The following BCAS1 variants were observed in gnomAD, a reference collection of about 807,000 sequenced individuals.
BCAS1 encodes the protein brain enriched myelin associated protein 1.
Under a neutral mutation model 65.4 loss-of-function variants are expected in BCAS1, and 46 were observed. The ratio of observed to expected loss-of-function variants is 0.70; its 90% CI spans 0.55 to 0.90. The LOEUF (loss-of-function observed/expected upper bound fraction) is 0.90, where lower values mean the gene tolerates loss of function less well. Ranked by LOEUF, BCAS1 falls within the 40% of genes least tolerant of loss-of-function variation. The pLI is 0.00. For synonymous variants in BCAS1, 298 were observed against 293.5 expected (o/e 1.02, Z -0.16); for missense variants, 793 against 771.2 (o/e 1.03, Z -0.33).
At chr20:54,004,008 G>A (rs955251183) in intron 4 of BCAS1, among the ~76,000 whole-genome samples, 34 of 152,304 alleles carry the variant, frequency 2.2e-4, no homozygotes, top group African/African-American at 7.0e-4. Context: ...TTTATTTTAG[G>A]TGGTATGTCC....
chr20:54,004,611 G>T (rs2091140636), intron 4 of BCAS1, among the ~76,000 whole-genome samples: 1 of 152,186 alleles, frequency 6.6e-6, no homozygotes, highest in African/African-American at 2.4e-5. Context: ...GTAAGGTGTT[G>T]CCCAGGAGCA....
chr20:54,036,823 CT>C (rs1464398761), intron 3 of BCAS1, among the ~76,000 whole-genome samples: 2 of 151,326 alleles, frequency 1.3e-5, no homozygotes, highest in Non-Finnish European at 3.0e-5. Context: ...AATTTACAAA[CT>C]TGAGTTTTCT....
At chr20:54,027,444 G>A (rs1375311992) in intron 4 of BCAS1, among the ~76,000 whole-genome samples, 3 of 152,148 alleles carry the variant, frequency 2.0e-5, no homozygotes, top group African/African-American at 2.4e-5. Context: ...TTAGCACTTC[G>A]GAAGTGCAAA....
At chr20:53,992,182 C>A (rs981494072) in intron 7 of BCAS1, among the ~76,000 whole-genome samples, 2 of 152,064 alleles carry the variant, frequency 1.3e-5, no homozygotes, top group African/African-American at 2.4e-5. Flanking sequence ...GAAAATAGGT[C>A]AATTTCAATG....
rs1169122886 is a variant in BCAS1, at chr20:53,995,034, G to A, written c.905C>T (p.Thr302Ile). 5 of 1,613,062 alleles carry A rather than the reference G, an allele frequency of 3.1e-6. No individual in the cohort carries two copies. The highest frequency in any genetic ancestry group is 4.2e-6 in the Non-Finnish European group (5 of 1,179,600). Residue 302 changes from threonine (T) to isoleucine (I), a missense_variant, in exon 6 of 13, where the codon ACA becomes ATA. By Grantham distance (89) the Thr-to-Ile change is moderately conservative. Transcript: ENST00000688948. ...KTLVSPNKAE[T>I]KKDPEDTASK... ...TACCGTGTCTTCTGGGTCCTTTTTT[G>A]TTTCAGCTTTGTTAGGTGAAACCTT...
chr20:54,050,133 C>T (rs1343007250), intron 3 of BCAS1, among the ~76,000 whole-genome samples: 1 of 152,182 alleles, frequency 6.6e-6, no homozygotes, highest in Non-Finnish European at 1.5e-5. Flanking sequence ...AGTGTAGCAT[C>T]TTTAAGCCTC....
chr20:53,947,420 C>T (rs576559990), intron 12 of BCAS1, among the ~76,000 whole-genome samples: 4 of 152,202 alleles, frequency 2.6e-5, no homozygotes, highest in South Asian at 4.2e-4. Context: ...ACCAGGACAC[C>T]GTGAAATACC....
intron 8 of BCAS1, among the ~76,000 whole-genome samples, chr20:53,983,924 A>T (rs2090548912): frequency 6.6e-6 from 1 of 150,950 alleles, no homozygotes. Context: ...CCTCCAATAA[A>T]TCTCTTGCAC....
chr20:54,004,934 T>A (rs1324037343), intron 4 of BCAS1, among the ~76,000 whole-genome samples: 2 of 152,044 alleles, frequency 1.3e-5, no homozygotes, highest in African/African-American at 4.8e-5. Context: ...CCTTTTAGGG[T>A]TGTTGAGGGA....
At chr20:54,009,817 C>T (rs1434459113) in intron 4 of BCAS1, among the ~76,000 whole-genome samples, 1 of 152,126 alleles carries the variant, frequency 6.6e-6, no homozygotes, top group East Asian at 1.9e-4. Flanking sequence ...AGTATAGATG[C>T]AAACATTCTT....
intron 4 of BCAS1, among the ~76,000 whole-genome samples, chr20:54,007,571 T>C (rs2091227508): frequency 6.6e-6 from 1 of 152,192 alleles, no homozygotes; most frequent in Non-Finnish European, 1.5e-5. Flanking sequence ...CAGTAATGTC[T>C]CCTGCCTTGG....
intron 10 of BCAS1, among the ~76,000 whole-genome samples, chr20:53,961,339 T>C (rs1035432649): frequency 3.3e-5 from 5 of 152,236 alleles, no homozygotes; most frequent in African/African-American, 1.2e-4. Flanking sequence ...TCTGCAATAT[T>C]GTTTATCAGA....
chr20:54,054,559 A>C (rs1251536521), intron 3 of BCAS1, among the ~76,000 whole-genome samples: 1 of 152,200 alleles, frequency 6.6e-6, no homozygotes, highest in Non-Finnish European at 1.5e-5. Flanking sequence ...GGACAACAAT[A>C]AGCTTAAAAG....
chr20:54,032,689 A>G (rs1163586767), intron 3 of BCAS1, among the ~76,000 whole-genome samples: 1 of 151,332 alleles, frequency 6.6e-6, no homozygotes, highest in Admixed American at 6.6e-5. Context: ...TTGCCGTCAA[A>G]ACAGACTTTA....
intron 4 of BCAS1, among the ~76,000 whole-genome samples, chr20:54,019,487 T>A (rs1256655089): frequency 6.6e-6 from 1 of 152,232 alleles, no homozygotes; most frequent in African/African-American, 2.4e-5. Flanking sequence ...TGGAAAGTAC[T>A]ATCACGCTGG....
intron 6 of BCAS1, among the ~76,000 whole-genome samples, chr20:53,994,238 T>C (rs537491747): frequency 3.3e-5 from 5 of 152,330 alleles, no homozygotes; most frequent in African/African-American, 1.2e-4. Flanking sequence ...AAGACACTTA[T>C]CTGTCACCAA....
intron 4 of BCAS1, among the ~76,000 whole-genome samples, chr20:54,009,949 C>A (rs1407720617): frequency 1.3e-5 from 2 of 152,110 alleles, no homozygotes; most frequent in African/African-American, 4.8e-5. Flanking sequence ...ATGTTATCCA[C>A]AATAGTGACA....
intron 4 of BCAS1, among the ~76,000 whole-genome samples, chr20:53,997,757 C>T (rs1038709510): frequency 6.6e-6 from 1 of 152,062 alleles, no homozygotes; most frequent in African/African-American, 2.4e-5. Context: ...ACAAGTGAGA[C>T]CTAAAACGTA....
chr20:53,954,281 A>G (rs1196194010), intron 11 of BCAS1, among the ~76,000 whole-genome samples: 13 of 142,182 alleles, frequency 9.1e-5, no homozygotes. Flanking sequence ...AGAGAAAATC[A>G]CAGCTGAGAA....
Sources: allele counts gnomAD v4.1 joint callset (sites outside exome capture counted in the v4.1 genomes callset), GRCh38; gene constraint gnomAD v4.1.1; transcripts MANE v1.5; gene names NCBI Gene and HGNC (gene_info 2026-07-23, HGNC 2026-07-21).